The following PCSK2 variants were observed in gnomAD, a reference collection of about 807,000 sequenced individuals.
The protein encoded by PCSK2 is proprotein convertase subtilisin/kexin type 2.
A neutral mutation model predicts 69.7 loss-of-function variants in PCSK2; 14 were observed. The observed-to-expected ratio is 0.20, with a 90% CI of 0.13 to 0.31. PCSK2 has a LOEUF of 0.31. PCSK2 is among the 10% of genes least tolerant of loss of function. PCSK2 has a pLI of 1.00. For missense variants in PCSK2, 544 were observed against 842.5 expected (o/e 0.65, Z 4.39); for synonymous variants, 307 against 320.7 (o/e 0.96, Z 0.46).
At chr20:17,287,504 T>A (rs1988558697) in intron 2 of PCSK2, among the ~76,000 whole-genome samples, 1 of 151,472 alleles carries the variant, frequency 6.6e-6, no homozygotes, top group African/African-American at 2.4e-5. Flanking sequence ...CAAATGAAGC[T>A]GAGGAAGTAA....
chr20:17,249,508 A>AG (rs1413331880), intron 1 of PCSK2, among the ~76,000 whole-genome samples: 7 of 151,670 alleles, frequency 4.6e-5, no homozygotes, highest in African/African-American at 1.7e-4. Context: ...CTGTCTCAAA[A>AG]AAAAAAAAAA....
intron 2 of PCSK2, among the ~76,000 whole-genome samples, chr20:17,266,500 C>T (rs1353342793): frequency 2.6e-5 from 4 of 152,112 alleles, no homozygotes; most frequent in Admixed American, 2.6e-4. Context: ...TAATTTTAAC[C>T]ATGCATAAGT....
intron 2 of PCSK2, among the ~76,000 whole-genome samples, chr20:17,303,059 C>A (rs1989139113): frequency 6.6e-6 from 1 of 150,924 alleles, no homozygotes; most frequent in Non-Finnish European, 1.5e-5. Context: ...TCTATAAATT[C>A]TCATCTTTTC....
chr20:17,314,542 G>A (rs995937335), intron 2 of PCSK2, among the ~76,000 whole-genome samples: 5 of 152,216 alleles, frequency 3.3e-5, no homozygotes, highest in African/African-American at 1.2e-4. Flanking sequence ...AACGATTTGG[G>A]AGGGACAAGT....
intron 6 of PCSK2, among the ~76,000 whole-genome samples, chr20:17,413,516 C>G (rs1248792176): frequency 6.6e-6 from 1 of 152,134 alleles, no homozygotes; most frequent in African/African-American, 2.4e-5. Context: ...AATACAGGAG[C>G]ACCCAGATTC....
In PCSK2 at chr20:17,298,699, A is replaced by AT. The variant is rs199791641; in HGVS notation, c.282+38364dup. On this transcript the variant is annotated intron_variant, in intron 2 of 11. Coordinates refer to ENST00000262545, the MANE Select transcript of PCSK2 (RefSeq NM_002594.5). ...ACGGGCTAGAAAATATTTTTAAGTA[A>AT]TTTTTTTTTCAAGTAGACTCTATAG... Among the ~76,000 whole-genome samples the AT allele has an allele frequency of 5.4e-3, 826 of 151,570 alleles. 7 individuals are homozygous for AT. The highest frequency in any genetic ancestry group is 0.023 in the East Asian group (118 of 5,172).
At chr20:17,413,748 C>T (rs951659642) in intron 6 of PCSK2, among the ~76,000 whole-genome samples, 2 of 152,176 alleles carry the variant, frequency 1.3e-5, no homozygotes, top group Non-Finnish European at 2.9e-5. Flanking sequence ...AGCATCACAT[C>T]GCACTTATTC....
intron 10 of PCSK2, 25 bp from the exon 11 acceptor site, chr20:17,465,301 C>G: frequency 6.3e-7 from 1 of 1,585,706 alleles, no homozygotes; most frequent in African/African-American, 1.3e-5. Flanking sequence ...CCCTTGCCCT[C>G]TTGCTCTCTG....
intron 10 of PCSK2, among the ~76,000 whole-genome samples, chr20:17,461,474 A>T (rs1412492427): frequency 1.3e-5 from 2 of 152,242 alleles, no homozygotes; most frequent in Non-Finnish European, 2.9e-5. Context: ...GCTCCAGGTC[A>T]CACAGTTTAC....
intron 10 of PCSK2, among the ~76,000 whole-genome samples, chr20:17,462,680 A>G (rs989040632): frequency 6.6e-6 from 1 of 152,198 alleles, no homozygotes; most frequent in African/African-American, 2.4e-5. Flanking sequence ...TGTGGTAGAC[A>G]CTCAACAGAC....
chr20:17,305,664 A>G (rs563258265), intron 2 of PCSK2, among the ~76,000 whole-genome samples: 1 of 152,380 alleles, frequency 6.6e-6, no homozygotes, highest in Non-Finnish European at 1.5e-5. Context: ...ACATAGCCTA[A>G]TAAGTATGCT....
chr20:17,429,098 T>C (rs781051740), intron 6 of PCSK2, among the ~76,000 whole-genome samples: 2 of 151,444 alleles, frequency 1.3e-5, no homozygotes, highest in Non-Finnish European at 2.9e-5. Context: ...ATTTGTACCA[T>C]TGGAATCTTT....
chr20:17,237,916 G>A (rs879679212), intron 1 of PCSK2, among the ~76,000 whole-genome samples: 2 of 152,166 alleles, frequency 1.3e-5, no homozygotes, highest in Admixed American at 6.5e-5. Flanking sequence ...ATTTATACAC[G>A]CATTGCATTG....
In PCSK2 at chr20:17,481,632, C is replaced by T; in HGVS notation, c.1479C>T (p.Ala493=). ...TGGTGCTGACACTCACAACCGACGC[C>T]TGTGAGGGGAAGGAAAATTTTGTCC... is the stretch of plus-strand genomic sequence containing the variant. ...GKLVLTLTTD[A]CEGKENFVRY... Residue 493 remains alanine (A), a synonymous_variant, in exon 12 of 12, where the codon GCC becomes GCT. Coordinates refer to ENST00000262545, the MANE Select transcript of PCSK2 (RefSeq NM_002594.5). 6.2e-7 allele frequency: 1 copy of T among 1,613,924 alleles called. No homozygotes were observed.
intron 5 of PCSK2, among the ~76,000 whole-genome samples, chr20:17,403,149 G>A (rs895329265): frequency 6.6e-6 from 1 of 152,168 alleles, no homozygotes; most frequent in African/African-American, 2.4e-5. Flanking sequence ...CACAATGGGA[G>A]AACACTGTGT....
At position 17,260,490 on chromosome 20, in the gene PCSK2, T is replaced by C. The variant is rs370915433; in HGVS notation, c.282+146T>C. ...CAAATGAATGCTTTGCAGAGTCATA[T>C]CAGGGACTCTCTGCTCCTTTGTCTC... On this transcript the variant is annotated intron_variant, in intron 2 of 11. Transcript: ENST00000262545. The C allele has an allele frequency of 5.8e-5, 36 of 622,476 alleles. No individual in the cohort carries two copies. The East Asian group carries it at 8.5e-4, about 15-fold the overall frequency. 38.6% of individuals were successfully genotyped at this position (622,476 alleles called of 1,614,324 possible). A position where few individuals can be genotyped will look rare whatever the true frequency, so the allele number is the denominator to read the frequency against.
In PCSK2 at chr20:17,335,325, G is replaced by A. The variant is rs532033552; in HGVS notation, c.283-23002G>A. On this transcript the variant is annotated intron_variant, in intron 2 of 11. Coordinates refer to ENST00000262545, the MANE Select transcript of PCSK2 (RefSeq NM_002594.5). ...CCTCTCCAGGACCATAGCCTCAGGG[G>A]GCTCAGACTTCTTTACAGGCTGACT... 1.3e-3 allele frequency among the ~76,000 whole-genome samples: 191 copies of A among 152,176 alleles called. 1 individual carries two copies. Among genetic ancestry groups the A allele is most frequent in the African/African-American group, 4.4e-3 (184 of 41,522 alleles).
intron 2 of PCSK2, among the ~76,000 whole-genome samples, chr20:17,280,990 A>G (rs1988287318): frequency 6.6e-6 from 1 of 152,164 alleles, no homozygotes; most frequent in South Asian, 2.1e-4. Flanking sequence ...ATAATTTGCA[A>G]CCAAATCTGA....
At chr20:17,331,715 A>C (rs1402902180) in intron 2 of PCSK2, among the ~76,000 whole-genome samples, 1 of 152,134 alleles carries the variant, frequency 6.6e-6, no homozygotes, top group Non-Finnish European at 1.5e-5. Context: ...TAATGACAGC[A>C]ATGGTGGTTC....
Sources: gnomAD v4.1 joint callset for allele counts (sites outside exome capture counted in the v4.1 genomes callset) on GRCh38, gnomAD v4.1.1 for gene constraint, MANE v1.5 for transcripts, NCBI Gene and HGNC (gene_info 2026-07-23, HGNC 2026-07-21) for gene names.